Variants in FLT1 observed in about 807,000 individuals in gnomAD.
FLT1 encodes vascular endothelial growth factor receptor 1.
In FLT1, 49 loss-of-function variants were observed where a neutral mutation model predicts 156.3. The observed-to-expected ratio is 0.31, with a 90% CI of 0.25 to 0.40. The LOEUF (loss-of-function observed/expected upper bound fraction) is 0.40. FLT1 is among the 10% of genes least tolerant of loss of function. The probability of loss-of-function intolerance (pLI) is 1.00; values close to 1 mark genes in which losing one functional copy is unlikely to be tolerated. For synonymous variants in FLT1, 594 were observed against 583.8 expected (o/e 1.02, Z -0.25); for missense variants, 1,322 against 1,637.2 (o/e 0.81, Z 3.32).
intron 13 of FLT1, chr13:28,389,415 A>T: frequency 1.6e-6 from 2 of 1,280,154 alleles, no homozygotes; most frequent in Non-Finnish European, 2.0e-6. Flanking sequence ...GAAGGAAAGG[A>T]TCATCCCAAG....
chr13:28,487,129 C>T (rs1037830143), intron 1 of FLT1, among the ~76,000 whole-genome samples: 10 of 152,332 alleles, frequency 6.6e-5, no homozygotes, highest in African/African-American at 2.2e-4. Context: ...TTTAAAATTA[C>T]CTATGCCTAG....
chr13:28,345,391 G>C (rs1872526927), intron 16 of FLT1, 54 bp downstream of exon 16: 1 of 1,082,420 alleles, frequency 9.2e-7, no homozygotes, highest in South Asian at 1.3e-5. Flanking sequence ...ACATCAGATC[G>C]GGCTTTTTAG....
chr13:28,382,856 C>T (rs1390070724), intron 14 of FLT1, among the ~76,000 whole-genome samples: 1 of 152,000 alleles, frequency 6.6e-6, no homozygotes, highest in Non-Finnish European at 1.5e-5. Context: ...GGTTTTGAAC[C>T]TGCTGAGTGT....
At chr13:28,488,632 A>G (rs1881304283) in intron 1 of FLT1, among the ~76,000 whole-genome samples, 1 of 152,068 alleles carries the variant, frequency 6.6e-6, no homozygotes. Context: ...GTGGGCCGGG[A>G]TGGGGGTGAG....
At chr13:28,473,663 AAGAAAG>A (rs1238465145) in intron 1 of FLT1, among the ~76,000 whole-genome samples, 38 of 138,510 alleles carry the variant, frequency 2.7e-4, no homozygotes, top group African/African-American at 9.9e-4. Flanking sequence ...GAAAGAAAGA[AAGAAAG>A]AAAGAGAGAG....
Position 28,345,559 on chromosome 13 carries a change from G to GA in FLT1, c.2249-9dup, listed in dbSNP as rs772335549. The stretch of plus-strand genomic sequence containing the variant: ...TAGACTTGTCCGAGGTTCCTGGAGA[G>GA]AAAAAAAATCACAATAGTGGTGCAA... On this transcript the variant is annotated splice_polypyrimidine_tract_variant and intron_variant, in intron 15 of 29. Coordinates refer to ENST00000282397, the MANE Select transcript of FLT1 (RefSeq NM_002019.4). 4.1e-5 allele frequency: 64 copies of GA among 1,551,040 alleles called. No homozygotes were observed. The highest frequency in any genetic ancestry group is 1.4e-4 in the East Asian group (6 of 44,426).
At chr13:28,465,499 T>C (rs1879799219) in intron 3 of FLT1, among the ~76,000 whole-genome samples, 1 of 152,120 alleles carries the variant, frequency 6.6e-6, no homozygotes, top group African/African-American at 2.4e-5. Context: ...GATATGTACA[T>C]GTTATGCTCA....
At position 28,433,970 on chromosome 13, in the gene FLT1, G is replaced by C; in HGVS notation, c.677-15C>G. The C allele has an allele frequency of 6.2e-7, 1 of 1,614,070 alleles. No homozygotes were observed. Among genetic ancestry groups the C allele is most frequent in the Non-Finnish European group, 8.5e-7 (1 of 1,179,950 alleles). On this transcript the variant is annotated splice_polypyrimidine_tract_variant and intron_variant, in intron 5 of 29. Coordinates refer to ENST00000282397, the MANE Select transcript of FLT1 (RefSeq NM_002019.4). ...GATTGTATTGGCTGCAAGCATAAGA[G>C]AGAAATTTTTTAAAATTAAGATTTC...
At chr13:28,488,163 C>T (rs372513195) in intron 1 of FLT1, among the ~76,000 whole-genome samples, 1 of 151,960 alleles carries the variant, frequency 6.6e-6, no homozygotes. Context: ...TTTGGGAGAT[C>T]GAGGCGGGTG....
At chr13:28,413,410 A>G (rs1161423245) in intron 10 of FLT1, among the ~76,000 whole-genome samples, 2 of 28,182 alleles carry the variant, frequency 7.1e-5, no homozygotes, top group Admixed American at 5.0e-4. Context: ...CCAGCTCCCC[A>G]CTCTCCTTCA....
At chr13:28,429,996 C>T in intron 8 of FLT1, 54 bp downstream of exon 8, 1 of 1,179,948 alleles carries the variant, frequency 8.5e-7, no homozygotes. Context: ...GCTCTTGCAG[C>T]TTCCCACTTA....
intron 1 of FLT1, among the ~76,000 whole-genome samples, chr13:28,485,511 T>C (rs191206752): frequency 1.4e-4 from 21 of 152,328 alleles, no homozygotes; most frequent in African/African-American, 4.6e-4. Context: ...CAAGACATTA[T>C]GTAGCATTTA....
At chr13:28,330,716 T>A (rs533408063) in intron 18 of FLT1, among the ~76,000 whole-genome samples, 339 of 151,242 alleles carry the variant, frequency 2.2e-3, no homozygotes, top group Non-Finnish European at 3.4e-3. Flanking sequence ...TTTTATTTTT[T>A]ATTTTTATTT....
At chr13:28,369,093 C>T (rs1317239551) in intron 14 of FLT1, among the ~76,000 whole-genome samples, 2 of 152,126 alleles carry the variant, frequency 1.3e-5, no homozygotes, top group African/African-American at 2.4e-5. Flanking sequence ...AAAAGTGACC[C>T]AGGAAAGCTA....
At position 28,427,437 on chromosome 13, in the gene FLT1, C is replaced by CA. The variant is rs1566021531; in HGVS notation, c.1277-120dup. ...TGATGTCAGGGAAACAAACAAGAAACAAAAAAACAAATAAACCCTCCTATT... is the reference window on the plus strand; with the variant it reads ...TGATGTCAGGGAAACAAACAAGAAACAAAAAAAACAAATAAACCCTCCTATT... On this transcript the variant is annotated intron_variant, in intron 9 of 29. Transcript: ENST00000282397. 1.4e-5 allele frequency: 13 copies of CA among 947,938 alleles called. No individual in the cohort carries two copies. The South Asian group carries it at 1.6e-4, about 11-fold the overall frequency. 58.7% of individuals were successfully genotyped at this position (947,938 alleles called of 1,614,324 possible).
intron 11 of FLT1, among the ~76,000 whole-genome samples, chr13:28,402,415 T>C (rs1875499215): frequency 6.6e-6 from 1 of 152,212 alleles, no homozygotes; most frequent in Non-Finnish European, 1.5e-5. Flanking sequence ...GATACATTTT[T>C]TCACACCCAC....
intron 14 of FLT1, among the ~76,000 whole-genome samples, chr13:28,360,352 T>C (rs1324818501): frequency 3.9e-5 from 6 of 152,142 alleles, no homozygotes; most frequent in South Asian, 2.1e-4. Flanking sequence ...CCCAAAGAAA[T>C]TGAAATCAAG....
intron 3 of FLT1, among the ~76,000 whole-genome samples, chr13:28,462,798 TCCTTCC>T (rs1239295616): frequency 6.6e-6 from 1 of 152,040 alleles, no homozygotes; most frequent in Non-Finnish European, 1.5e-5. Context: ...CTGTCAACTC[TCCTTCC>T]CCACCACGAC....
At chr13:28,371,313 G>A (rs1342938745) in intron 14 of FLT1, among the ~76,000 whole-genome samples, 1 of 152,066 alleles carries the variant, frequency 6.6e-6, no homozygotes, top group Non-Finnish European at 1.5e-5. Context: ...TTACCAACGT[G>A]CAAAAATATT....
Sources: allele counts gnomAD v4.1 joint callset (sites outside exome capture counted in the v4.1 genomes callset), GRCh38; gene constraint gnomAD v4.1.1; transcripts MANE v1.5; gene names NCBI Gene and HGNC (gene_info 2026-07-23, HGNC 2026-07-21).